Variants in MTMR7 observed in about 807,000 individuals in gnomAD.
The protein encoded by MTMR7 is phosphatidylinositol-3-phosphate phosphatase MTMR7.
MTMR7 carries 76 observed loss-of-function variants against 81.2 expected under a neutral mutation model. That is an observed-to-expected ratio of 0.94 (90% confidence interval 0.78 to 1.13). The LOEUF is 1.13. Among genes scored for constraint, MTMR7 ranks in the 50% most tolerant of loss-of-function variants. The probability of loss-of-function intolerance (pLI) is 0.00; values close to 1 mark genes in which losing one functional copy is unlikely to be tolerated. For missense variants in MTMR7, 1,044 were observed against 820.0 expected (o/e 1.27, Z -3.34); for synonymous variants, 372 against 289.8 (o/e 1.28, Z -2.88).
chr8:17,395,349 TG>T (rs1463083220), intron 1 of MTMR7, among the ~76,000 whole-genome samples: 1 of 152,240 alleles, frequency 6.6e-6, no homozygotes, highest in Non-Finnish European at 1.5e-5. Context: ...TCCCACCATT[TG>T]GCTATTGTGA....
At chr8:17,342,898 A>C (rs1442575668) in intron 5 of MTMR7, among the ~76,000 whole-genome samples, 1 of 152,036 alleles carries the variant, frequency 6.6e-6, no homozygotes, top group Admixed American at 6.5e-5. Context: ...CAGAATGGCA[A>C]GCGACGGCAA....
chr8:17,412,346 G>A (rs936067333), intron 1 of MTMR7, among the ~76,000 whole-genome samples: 4 of 152,262 alleles, frequency 2.6e-5, no homozygotes, highest in East Asian at 3.9e-4. Context: ...ACCTGTCAGG[G>A]GCCTACATTT....
intron 3 of MTMR7, among the ~76,000 whole-genome samples, chr8:17,364,029 T>TA (rs1298480427): frequency 2.2e-4 from 30 of 134,572 alleles, no homozygotes; most frequent in Admixed American, 3.7e-4. Context: ...TTATTTTTTT[T>TA]TTTTTTTTTT....
At chr8:17,388,735 CAG>C (rs34192214) in intron 1 of MTMR7, among the ~76,000 whole-genome samples, 52,333 of 151,942 alleles carry the variant, frequency 0.34, 11,307 homozygotes, top group Admixed American at 0.54. Context: ...AGCCCAGGCA[CAG>C]AGAGACCCAA....
In MTMR7 at chr8:17,304,416, G is replaced by A. The variant is rs2150467999; in HGVS notation, c.1456C>T (p.Leu486Phe). Residue 486 changes from leucine to phenylalanine, a missense_variant, in exon 12 of 14, where the codon CTT becomes TTT. By Grantham distance (22) the Leu-to-Phe change is conservative. Coordinates refer to ENST00000180173, the MANE Select transcript of MTMR7 (RefSeq NM_004686.5). ...RADHSQTQGT[L>F]HLPTTPCNFM... Reference sequence around the variant, plus strand: ...TTACATGGTGTTGTAGGGAGATGAAGGGTTCCCTGAGTCTGGCTGTGATCA... The same window carrying A: ...TTACATGGTGTTGTAGGGAGATGAAAGGTTCCCTGAGTCTGGCTGTGATCA... 5 of 1,614,028 alleles carry A rather than the reference G, an allele frequency of 3.1e-6. No individual in the cohort carries two copies. Among genetic ancestry groups the A allele is most frequent in the Non-Finnish European group, 4.2e-6 (5 of 1,179,928 alleles).
chr8:17,359,470 G>GA (rs1469228793), intron 4 of MTMR7, among the ~76,000 whole-genome samples: 9 of 151,658 alleles, frequency 5.9e-5, no homozygotes, highest in Non-Finnish European at 1.2e-4. Flanking sequence ...ATGGTAGCAT[G>GA]TGCCTGTAAT....
intron 13 of MTMR7, 133 bp downstream of exon 13, chr8:17,302,021 T>C: frequency 2.6e-6 from 3 of 1,160,696 alleles, no homozygotes; most frequent in South Asian, 1.4e-5. Context: ...CTGGATGGGG[T>C]TGTGTTTCAG....
chr8:17,309,295 C>T lies in MTMR7; in HGVS notation c.1133G>A (p.Gly378Asp), dbSNP rs1192216703. 2 of 1,562,018 alleles carry T rather than the reference C, an allele frequency of 1.3e-6. No homozygotes were observed. Among genetic ancestry groups the T allele is most frequent in the Non-Finnish European group, 8.8e-7 (1 of 1,133,294 alleles). ...TACTTACCGGTGATTAAACTTATGA[C>T]CAAAGGAAATCCAGTCCTTTTCAAT... Reference protein sequence around the residue: ...VLIEKDWISFGHKFNHRYGNL... With the variant: ...VLIEKDWISFDHKFNHRYGNL... The change falls in exon 10 of 14, where the codon GGT becomes GAT. Residue 378 changes from glycine (G) to aspartate (D), a missense_variant. Coordinates refer to ENST00000180173, the MANE Select transcript of MTMR7 (RefSeq NM_004686.5).
intron 1 of MTMR7, among the ~76,000 whole-genome samples, chr8:17,380,475 C>G (rs1236040396): frequency 6.6e-6 from 1 of 151,926 alleles, no homozygotes; most frequent in Non-Finnish European, 1.5e-5. Flanking sequence ...CAGCATGGGT[C>G]TCCAACCTTT....
intron 7 of MTMR7, among the ~76,000 whole-genome samples, chr8:17,322,630 G>A (rs1818452624): frequency 1.3e-5 from 2 of 151,916 alleles, no homozygotes; most frequent in Non-Finnish European, 2.9e-5. Context: ...GATCAACCTG[G>A]GTAATGTAGC....
At chr8:17,368,310 T>C (rs193032753) in intron 3 of MTMR7, among the ~76,000 whole-genome samples, 1 of 152,212 alleles carries the variant, frequency 6.6e-6, no homozygotes, top group Admixed American at 6.5e-5. Context: ...GACTGGTACC[T>C]GTCTGCGGCC....
intron 1 of MTMR7, among the ~76,000 whole-genome samples, chr8:17,407,999 G>T (rs189086255): frequency 6.6e-6 from 1 of 152,154 alleles, no homozygotes; most frequent in African/African-American, 2.4e-5. Flanking sequence ...ATAATTATAA[G>T]TTGTTGAGTT....
At chr8:17,363,098 C>CA (rs952030136) in intron 3 of MTMR7, among the ~76,000 whole-genome samples, 2 of 152,238 alleles carry the variant, frequency 1.3e-5, no homozygotes, top group African/African-American at 4.8e-5. Flanking sequence ...TGCTCACACA[C>CA]AAACCAGAGC....
rs187638779 is a variant in MTMR7, at chr8:17,325,935, C to T, written c.865+5215G>A. On this transcript the variant is annotated intron_variant, in intron 7 of 13. Coordinates refer to ENST00000180173, the MANE Select transcript of MTMR7 (RefSeq NM_004686.5). ...TTATTTTCAAATACATTATTGCTTC[C>T]CAAGAGAAAGCATACCCACCTTACA... Among the ~76,000 whole-genome samples, 326 of 152,220 alleles carry T rather than the reference C, an allele frequency of 2.1e-3. 3 individuals are homozygous for T. The highest frequency in any genetic ancestry group is 0.01 in the Middle Eastern group (3 of 294).
intron 1 of MTMR7, among the ~76,000 whole-genome samples, chr8:17,403,160 G>T (rs886090575): frequency 1.3e-5 from 2 of 152,150 alleles, no homozygotes; most frequent in African/African-American, 4.8e-5. Flanking sequence ...TCCCTTGTCA[G>T]ATGGATAGTT....
chr8:17,396,112 C>A (rs1446811774), intron 1 of MTMR7, among the ~76,000 whole-genome samples: 2 of 119,008 alleles, frequency 1.7e-5, no homozygotes, highest in Admixed American at 1.0e-4. Context: ...CTGATCATAC[C>A]AACATACGGT....
chr8:17,302,706 C>A (rs544899161), intron 12 of MTMR7, among the ~76,000 whole-genome samples: 4 of 47,898 alleles, frequency 8.4e-5, no homozygotes, highest in Non-Finnish European at 1.4e-4. Context: ...GGCAATAACC[C>A]CCCCCCCCCC....
In MTMR7 at chr8:17,371,334, G is replaced by C. The variant is rs187238396; in HGVS notation, c.148-135C>G. The C allele has an allele frequency of 1.4e-4, 132 of 937,596 alleles. No individual in the cohort carries two copies. In the African/African-American group the frequency reaches 1.5e-3, roughly 10 times the overall value. The allele number at this position is 937,596 out of a possible 1,614,324, so 58.1% of individuals were successfully genotyped here. ...CCAGCTAGCTCAACCCTTGCGTTCAGATGACAAGCACTGAGATGTTCCAGG... is the reference window on the plus strand; with the variant it reads ...CCAGCTAGCTCAACCCTTGCGTTCACATGACAAGCACTGAGATGTTCCAGG... On this transcript the variant is annotated intron_variant, in intron 2 of 13. Coordinates refer to ENST00000180173, the MANE Select transcript of MTMR7 (RefSeq NM_004686.5).
At chr8:17,376,948 A>G (rs1820608905) in intron 1 of MTMR7, among the ~76,000 whole-genome samples, 1 of 152,210 alleles carries the variant, frequency 6.6e-6, no homozygotes, top group South Asian at 2.1e-4. Flanking sequence ...TGTTCCTGCT[A>G]TATGGCCAAC....
Sources: gnomAD v4.1 joint callset for allele counts (sites outside exome capture counted in the v4.1 genomes callset) on GRCh38, gnomAD v4.1.1 for gene constraint, MANE v1.5 for transcripts, NCBI Gene and HGNC (gene_info 2026-07-23, HGNC 2026-07-21) for gene names.